Variants in PDS5B observed in about 807,000 individuals in gnomAD.
PDS5B encodes sister chromatid cohesion protein PDS5 homolog B.
Under a neutral mutation model 184.1 loss-of-function variants are expected in PDS5B, and 51 were observed. That is an observed-to-expected ratio of 0.28 (90% CI 0.22 to 0.35). The LOEUF is 0.35. Among genes scored for constraint, PDS5B ranks in the 10% least tolerant of loss-of-function variants. The pLI is 1.00. For missense variants in PDS5B, 1,180 were observed against 1,723.3 expected (o/e 0.68, Z 5.58); for synonymous variants, 566 against 569.2 (o/e 0.99, Z 0.08).
intron 1 of PDS5B, among the ~76,000 whole-genome samples, chr13:32,619,220 A>G (rs1273323456): frequency 1.3e-5 from 2 of 152,232 alleles, no homozygotes; most frequent in Non-Finnish European, 2.9e-5. Context: ...TCTTTATGAT[A>G]TAGACATAGT....
chr13:32,729,856 A>C (rs1953044759), intron 19 of PDS5B, among the ~76,000 whole-genome samples: 2 of 152,238 alleles, frequency 1.3e-5, no homozygotes, highest in South Asian at 4.1e-4. Flanking sequence ...TGTCAGATGA[A>C]TAGAGTGCAG....
At chr13:32,701,707 G>A (rs1410848816) in intron 17 of PDS5B, among the ~76,000 whole-genome samples, 1 of 152,028 alleles carries the variant, frequency 6.6e-6, no homozygotes, top group East Asian at 1.9e-4. Flanking sequence ...GGTTCAAATT[G>A]TGTGAGAAAT....
chr13:32,651,030 T>C (rs1427515789), intron 2 of PDS5B, among the ~76,000 whole-genome samples: 2 of 152,210 alleles, frequency 1.3e-5, no homozygotes, highest in Non-Finnish European at 2.9e-5. Context: ...GTAGGAATAG[T>C]GCAGACTGAG....
At position 32,688,462 on chromosome 13, in the gene PDS5B, T is replaced by C; in HGVS notation, c.1362T>C (p.Leu454=). 6.4e-7 allele frequency: 1 copy of C among 1,555,418 alleles called. No individual in the cohort carries two copies. The highest frequency in any genetic ancestry group is 8.8e-7 in the Non-Finnish European group (1 of 1,137,372). ...CTTCTCTGCTTTTTTGTAGACTACT[T>C]GTTGAACGGATCTTTGCTCAATACA... The part of the protein sequence containing the change: ...YYQNSIDDRL[L]VERIFAQYMV... Residue 454 remains leucine, a synonymous_variant, in exon 13 of 35, where the codon CTT becomes CTC. Transcript: ENST00000315596.
In PDS5B at chr13:32,775,646, G is replaced by C. The variant is rs987279342; in HGVS notation, c.*594G>C. 6 of 456,176 alleles carry C rather than the reference G, an allele frequency of 1.3e-5. No homozygotes were observed. The highest frequency in any genetic ancestry group is 2.2e-5 in the Non-Finnish European group (5 of 226,704). The allele number at this position is 456,176 out of a possible 1,614,324, so 28.3% of individuals were successfully genotyped here. A position where few individuals can be genotyped will look rare whatever the true frequency, so the allele number is the denominator to read the frequency against. ...TGCTAAATTGTCTGCCATTACACCA[G>C]AAGGATGCCTCTGATAGGAGGACAA... On this transcript the variant is annotated 3_prime_UTR_variant, in exon 35 of 35. Transcript: ENST00000315596.
chr13:32,755,805 T>C (rs778136763), intron 25 of PDS5B, 37 bp from the exon 26 acceptor site: 1 of 1,032,064 alleles, frequency 9.7e-7, no homozygotes, highest in Non-Finnish European at 1.4e-6. Flanking sequence ...CTTTTTCTTT[T>C]GTTTTTTTTT....
In PDS5B at chr13:32,695,524, T is replaced by G. The variant is rs117600101; in HGVS notation, c.1551+1220T>G. On this transcript the variant is annotated intron_variant, in intron 14 of 34. Coordinates refer to ENST00000315596, the MANE Select transcript of PDS5B (RefSeq NM_015032.4). ...CTTGGAGCTCTGTATATTTACCTCC[T>G]TCTGGCCAGAGATGTAAGAGTGTTT... Among the ~76,000 whole-genome samples, 1,238 of 152,086 alleles carry G rather than the reference T, an allele frequency of 8.1e-3. 11 individuals are homozygous for G. The highest frequency in any genetic ancestry group is 0.02 in the Middle Eastern group (6 of 294).
chr13:32,589,059 C>G (rs1406165844), intron 1 of PDS5B, among the ~76,000 whole-genome samples: 1 of 152,182 alleles, frequency 6.6e-6, no homozygotes, highest in African/African-American at 2.4e-5. Context: ...ATGACATGGA[C>G]TGTATATAAC....
At chr13:32,663,933 A>G (rs1232145461) in intron 6 of PDS5B, among the ~76,000 whole-genome samples, 1 of 152,116 alleles carries the variant, frequency 6.6e-6, no homozygotes, top group Non-Finnish European at 1.5e-5. Flanking sequence ...TTGTGTACCT[A>G]TAGTTTTGTT....
intron 19 of PDS5B, among the ~76,000 whole-genome samples, chr13:32,721,916 G>A (rs1258808783): frequency 6.6e-6 from 1 of 152,098 alleles, no homozygotes; most frequent in African/African-American, 2.4e-5. Context: ...CAGACAATGG[G>A]CAGCCAGGCA....
At chr13:32,752,504 C>T (rs753813967) in intron 24 of PDS5B, among the ~76,000 whole-genome samples, 2 of 152,148 alleles carry the variant, frequency 1.3e-5, no homozygotes, top group African/African-American at 4.8e-5. Flanking sequence ...CTTCAAGGAA[C>T]AAGTACTGGT....
chr13:32,741,207 G>T, intron 22 of PDS5B, 59 bp downstream of exon 22: 2 of 921,716 alleles, frequency 2.2e-6, no homozygotes, highest in African/African-American at 1.7e-5. Flanking sequence ...TAATATTTGA[G>T]GTATTAAAAT....
At chr13:32,589,058 A>T (rs906729772) in intron 1 of PDS5B, among the ~76,000 whole-genome samples, 1 of 152,218 alleles carries the variant, frequency 6.6e-6, no homozygotes, top group Non-Finnish European at 1.5e-5. Flanking sequence ...AATGACATGG[A>T]CTGTATATAA....
chr13:32,614,966 G>T (rs1417192522), intron 1 of PDS5B, among the ~76,000 whole-genome samples: 2 of 152,076 alleles, frequency 1.3e-5, no homozygotes, highest in African/African-American at 4.8e-5. Context: ...ACTTTTTCTT[G>T]ATGTGTGTAC....
At chr13:32,766,957 T>C (rs1954605429) in intron 31 of PDS5B, among the ~76,000 whole-genome samples, 1 of 152,164 alleles carries the variant, frequency 6.6e-6, no homozygotes, top group Admixed American at 6.5e-5. Flanking sequence ...TAGTTCTAAT[T>C]TAACATTTCT....
chr13:32,767,839 G>A (rs1242885878), intron 31 of PDS5B, among the ~76,000 whole-genome samples: 5 of 152,144 alleles, frequency 3.3e-5, no homozygotes, highest in Admixed American at 2.6e-4. Context: ...TCAAGTCTAT[G>A]TGGAGGAATA....
chr13:32,737,108 C>A (rs901266299), intron 21 of PDS5B, among the ~76,000 whole-genome samples: 1 of 151,944 alleles, frequency 6.6e-6, no homozygotes, highest in Non-Finnish European at 1.5e-5. Context: ...CAAATCTTAC[C>A]TTGTACATAT....
At chr13:32,722,899 G>T (rs776934209) in intron 19 of PDS5B, among the ~76,000 whole-genome samples, 16 of 152,322 alleles carry the variant, frequency 1.1e-4, no homozygotes, top group Non-Finnish European at 2.2e-4. Flanking sequence ...AGAAGCTCTA[G>T]TGTCTTGCAG....
intron 31 of PDS5B, among the ~76,000 whole-genome samples, chr13:32,767,022 T>A (rs1383336517): frequency 2.0e-5 from 3 of 152,174 alleles, no homozygotes; most frequent in African/African-American, 7.2e-5. Context: ...TGCACAAAAC[T>A]CTAAATAAAT....
Sources: gnomAD v4.1 joint callset for allele counts (sites outside exome capture counted in the v4.1 genomes callset) on GRCh38, gnomAD v4.1.1 for gene constraint, MANE v1.5 for transcripts, NCBI Gene and HGNC (gene_info 2026-07-23, HGNC 2026-07-21) for gene names.